VRK2: variants seen among roughly 807,000 people sequenced by gnomAD.
VRK2 encodes VRK serine/threonine kinase 2.
In VRK2, 60 loss-of-function variants were observed where a neutral mutation model predicts 57.6. That is an observed-to-expected ratio of 1.04 (90% CI 0.85 to 1.29). The LOEUF is 1.29. Ranked by LOEUF, VRK2 falls within the 50% of genes most tolerant of loss-of-function variation. VRK2 has a pLI of 0.00. For synonymous variants in VRK2, 231 were observed against 199.2 expected (o/e 1.16, Z -1.35); for missense variants, 705 against 588.1 (o/e 1.20, Z -2.06).
chr2:58,129,516 TA>T (rs889842263), intron 8 of VRK2, among the ~76,000 whole-genome samples: 4 of 151,910 alleles, frequency 2.6e-5, no homozygotes, highest in Admixed American at 6.6e-5. Flanking sequence ...ACTTTCAAAT[TA>T]AAAAAAAATT....
intron 1 of VRK2, among the ~76,000 whole-genome samples, chr2:57,931,800 T>C (rs11899862): frequency 0.03 from 4,336 of 143,224 alleles, 207 homozygotes; most frequent in African/African-American, 0.11. Context: ...TGGTGTAACA[T>C]AGGGATCAAC....
At chr2:57,975,938 A>T (rs1558521638) in intron 1 of VRK2, among the ~76,000 whole-genome samples, 1 of 151,500 alleles carries the variant, frequency 6.6e-6, no homozygotes, top group Non-Finnish European at 1.5e-5. Context: ...CTTCAGGTAG[A>T]CTCCAGTGTC....
At chr2:57,966,285 G>A (rs1056765478) in intron 1 of VRK2, among the ~76,000 whole-genome samples, 11 of 152,200 alleles carry the variant, frequency 7.2e-5, no homozygotes, top group East Asian at 1.9e-4. Flanking sequence ...GAGGAATACA[G>A]GATCAAGGGC....
chr2:58,054,552 T>C (rs967891209), intron 2 of VRK2, among the ~76,000 whole-genome samples: 1 of 152,148 alleles, frequency 6.6e-6, no homozygotes, highest in Admixed American at 6.5e-5. Context: ...TTTTAGGTTT[T>C]TTTCTTTAGA....
chr2:58,155,435 C>G (rs1208468327), intron 12 of VRK2, among the ~76,000 whole-genome samples: 1 of 152,014 alleles, frequency 6.6e-6, no homozygotes, highest in Admixed American at 6.6e-5. Context: ...ACCACATCTG[C>G]TTGTGTTAGT....
chr2:58,145,361 A>C (rs1681954956), intron 11 of VRK2, among the ~76,000 whole-genome samples: 1 of 151,858 alleles, frequency 6.6e-6, no homozygotes, highest in Non-Finnish European at 1.5e-5. Flanking sequence ...AGGTTAAACT[A>C]CCTGCACAAA....
rs77027725 is a variant in VRK2 at position 58,103,947 on chromosome 2, C to G, written c.543+14224C>G. 6.9e-3 allele frequency among the ~76,000 whole-genome samples: 1,049 copies of G among 151,546 alleles called. 17 individuals carry two copies. Among genetic ancestry groups the G allele is most frequent in the African/African-American group, 0.024 (985 of 41,456 alleles). ...ATGCAAGTATTCTTGTGATGTGATTCATCACATAAGCAGAATTAAAAACAA... is the reference window on the plus strand; with the variant it reads ...ATGCAAGTATTCTTGTGATGTGATTGATCACATAAGCAGAATTAAAAACAA... On this transcript the variant is annotated intron_variant, in intron 7 of 12. Coordinates refer to ENST00000340157, the MANE Select transcript of VRK2 (RefSeq NM_006296.7).
chr2:58,151,447 A>G (rs1683010376), intron 12 of VRK2, among the ~76,000 whole-genome samples: 1 of 151,590 alleles, frequency 6.6e-6, no homozygotes, highest in Non-Finnish European at 1.5e-5. Flanking sequence ...CCTTTGTTTA[A>G]TCCACTTGTG....
At chr2:57,989,313 G>C (rs542698738) in intron 1 of VRK2, among the ~76,000 whole-genome samples, 1 of 152,050 alleles carries the variant, frequency 6.6e-6, no homozygotes, top group Non-Finnish European at 1.5e-5. Context: ...AAAGTGATTG[G>C]GTGGTATTTT....
At chr2:57,994,469 A>C (rs1672864582) in intron 1 of VRK2, among the ~76,000 whole-genome samples, 1 of 152,150 alleles carries the variant, frequency 6.6e-6, no homozygotes, top group African/African-American at 2.4e-5. Context: ...CAAAGGAATA[A>C]AATAACTGGC....
chr2:57,960,946 G>C (rs1671738945), intron 1 of VRK2, among the ~76,000 whole-genome samples: 1 of 152,178 alleles, frequency 6.6e-6, no homozygotes. Context: ...CTCTTCCACT[G>C]GGTAGCATGC....
chr2:57,951,773 G>A (rs976106829), intron 1 of VRK2, among the ~76,000 whole-genome samples: 3 of 151,960 alleles, frequency 2.0e-5, no homozygotes, highest in Non-Finnish European at 4.4e-5. Context: ...TCTGAGTTGT[G>A]GTCTCTGTTG....
In VRK2 at chr2:58,067,429, A is replaced by G. The variant is rs184766262; in HGVS notation, c.137-16660A>G. ...ATACAGTTGTCAAATTTATGGGTAT[A>G]GAATTGTTAATATTTATTATATTTA... On this transcript the variant is annotated intron_variant, in intron 2 of 12. Transcript: ENST00000340157. 3.6e-4 allele frequency among the ~76,000 whole-genome samples: 55 copies of G among 152,316 alleles called. 1 individual carries two copies. The highest frequency in any genetic ancestry group is 2.2e-3 in the Admixed American group (33 of 15,294).
chr2:58,027,705 A>G (rs1673976825), intron 2 of VRK2, among the ~76,000 whole-genome samples: 1 of 152,186 alleles, frequency 6.6e-6, no homozygotes, highest in Admixed American at 6.6e-5. Flanking sequence ...AAATAATGAC[A>G]TAACTTTATT....
At chr2:57,909,926 A>T (rs1437583203) in intron 1 of VRK2, among the ~76,000 whole-genome samples, 2 of 152,166 alleles carry the variant, frequency 1.3e-5, no homozygotes, top group African/African-American at 4.8e-5. Context: ...TGTGAAATGT[A>T]AAAATTATTG....
chr2:58,006,197 G>C (rs1673236996), intron 1 of VRK2, among the ~76,000 whole-genome samples: 1 of 152,202 alleles, frequency 6.6e-6, no homozygotes, highest in African/African-American at 2.4e-5. Context: ...TGAGATAATA[G>C]TGAAAGGCAA....
chr2:58,008,355 A>C (rs1480646012), intron 1 of VRK2, among the ~76,000 whole-genome samples: 1 of 152,108 alleles, frequency 6.6e-6, no homozygotes, highest in Non-Finnish European at 1.5e-5. Context: ...GAAGATGAAA[A>C]GGAAGGAAGG....
intron 2 of VRK2, among the ~76,000 whole-genome samples, chr2:58,082,707 T>C (rs1409931082): frequency 6.6e-6 from 1 of 151,864 alleles, no homozygotes; most frequent in Admixed American, 6.6e-5. Context: ...AAAAATGAAA[T>C]AACTTAACAT....
intron 1 of VRK2, among the ~76,000 whole-genome samples, chr2:57,989,125 A>T (rs904109008): frequency 6.6e-6 from 1 of 152,078 alleles, no homozygotes; most frequent in Non-Finnish European, 1.5e-5. Context: ...TCACCTTCAC[A>T]CATAGCCTCA....
Sources: gnomAD v4.1 joint callset for allele counts (sites outside exome capture counted in the v4.1 genomes callset) on GRCh38, gnomAD v4.1.1 for gene constraint, MANE v1.5 for transcripts, NCBI Gene and HGNC (gene_info 2026-07-23, HGNC 2026-07-21) for gene names.